The following HOOK2 variants were observed in gnomAD, a reference collection of about 807,000 sequenced individuals.
HOOK2 encodes the protein protein Hook homolog 2.
In HOOK2, 108 loss-of-function variants were observed where a neutral mutation model predicts 111.9. The ratio of observed to expected loss-of-function variants is 0.96; its 90% confidence interval spans 0.83 to 1.13. The LOEUF (loss-of-function observed/expected upper bound fraction) is 1.13. Ranked by LOEUF, HOOK2 falls within the 50% of genes most tolerant of loss-of-function variation. The pLI is 0.00. For synonymous variants in HOOK2, 405 were observed against 394.3 expected, an observed-to-expected ratio of 1.03 and a Z score of -0.32; for missense variants, 978 against 951.3, an observed-to-expected ratio of 1.03 and a Z score of -0.37.
intron 7 of HOOK2, chr19:12,771,898 A>T: frequency 2.5e-6 from 1 of 394,960 alleles, no homozygotes; most frequent in Non-Finnish European, 4.5e-6. Context: ...AAAAAAAAAA[A>T]AGAAAAAGAA....
chr19:12,787,415 C>T (rs954045299), intron 3 of HOOK2, among the ~76,000 whole-genome samples: 2 of 151,868 alleles, frequency 1.3e-5, no homozygotes, highest in African/African-American at 4.8e-5. Flanking sequence ...CAGATAACTT[C>T]AGGTCAGGAG....
At chr19:12,789,680 G>A (rs1406696524) in intron 3 of HOOK2, among the ~76,000 whole-genome samples, 1 of 151,202 alleles carries the variant, frequency 6.6e-6, no homozygotes, top group Non-Finnish European at 1.5e-5. Context: ...CCGTCGGGCC[G>A]GGGGCGAAGT....
chr19:12,771,881 CAAAAAAA>C (rs60718260), intron 7 of HOOK2: 33 of 115,260 alleles, frequency 2.9e-4, no homozygotes, highest in Admixed American at 6.9e-4. Flanking sequence ...GACTCCATCT[CAAAAAAA>C]AAAAAAAAAA....
In HOOK2 at chr19:12,765,136, G is replaced by A. The variant is rs372949057; in HGVS notation, c.1641-55C>T. The A allele has an allele frequency of 1.0e-5, 16 of 1,572,884 alleles. No individual in the cohort carries two copies. The African/African-American group carries it at 1.8e-4, about 17-fold the overall frequency. On this transcript the variant is annotated intron_variant, in intron 18 of 22. Transcript: ENST00000397668. ...TGACCTCCGGGCTGGCTTCTCTTTT[G>A]TCCCAGTGGTAGCCACAGACCTCCC...
chr19:12,768,358 G>A (rs1407665247), intron 11 of HOOK2, among the ~76,000 whole-genome samples: 1 of 152,016 alleles, frequency 6.6e-6, no homozygotes, highest in Non-Finnish European at 1.5e-5. Flanking sequence ...GCCTCCCAAA[G>A]CACTGGGATT....
In HOOK2 at chr19:12,765,729, G is replaced by A. The variant is rs776603519; in HGVS notation, c.1606-5C>T. Reference sequence around the variant, plus strand: ...CTTCCTTTTCAGCAAAATGGACTGGGAGAGAGAAGAGGCAAGGTGAGTGGG... The same window carrying A: ...CTTCCTTTTCAGCAAAATGGACTGGAAGAGAGAAGAGGCAAGGTGAGTGGG... On this transcript the variant is annotated splice_region_variant and splice_polypyrimidine_tract_variant and intron_variant, in intron 17 of 22. Coordinates refer to ENST00000397668, the MANE Select transcript of HOOK2 (RefSeq NM_013312.3). 6.2e-7 allele frequency: 1 copy of A among 1,614,182 alleles called. No individual in the cohort carries two copies. The highest frequency in any genetic ancestry group is 8.5e-7 in the Non-Finnish European group (1 of 1,180,028).
chr19:12,763,420 C>A lies in HOOK2; in HGVS notation c.2022G>T (p.Leu674Phe). ...ISAWYNMGMA[L>F]QQRAGEERAP... is the part of the protein sequence containing the mutation. ...CCCGCTCCTCCCCAGCTCGCTGCTG[C>A]AAGGCCATGCCCTTCAGGAGGAGGT... Residue 674 changes from leucine (L) to phenylalanine (F), a missense_variant, in exon 23 of 23, where the codon TTG becomes TTT. Leu to Phe is a conservative substitution (Grantham distance 22). Transcript: ENST00000397668. 6.2e-7 allele frequency: 1 copy of A among 1,613,922 alleles called. No homozygotes were observed. Among genetic ancestry groups the A allele is most frequent in the Non-Finnish European group, 8.5e-7 (1 of 1,179,936 alleles).
At chr19:12,792,103 A>G (rs1306549669) in intron 3 of HOOK2, 1 of 1,597,432 alleles carries the variant, frequency 6.3e-7, no homozygotes, top group African/African-American at 1.3e-5. Context: ...CAGTACTTTT[A>G]CCCCCGCGGG....
At chr19:12,777,487 TAAA>T (rs1968550537), upstream of HOOK2, among the ~76,000 whole-genome samples, 1 of 152,042 alleles carries the variant, frequency 6.6e-6, no homozygotes. Context: ...TTTCAAGAAA[TAAA>T]TAAATGAATG....
Position 12,763,131 on chromosome 19 carries a change from G to GCCCTCCCT in HOOK2, c.*143_*150dup, listed in dbSNP as rs1213900103. ...AAGAACAGGCCTATATCTACCTCCC[G>GCCCTCCCT]CCCTCCCTCCCCACCAATCTGGGAG... On this transcript the variant is annotated 3_prime_UTR_variant, in exon 23 of 23. Transcript: ENST00000397668. The GCCCTCCCT allele has an allele frequency of 1.5e-5, 6 of 394,680 alleles. No homozygotes were observed. The highest frequency in any genetic ancestry group is 3.0e-5 in the Non-Finnish European group (6 of 199,680). The allele number at this position is 394,680 out of a possible 1,614,324, so 24.4% of individuals were successfully genotyped here.
chr19:12,787,430 A>C (rs1968668576), intron 3 of HOOK2, among the ~76,000 whole-genome samples: 1 of 152,136 alleles, frequency 6.6e-6, no homozygotes. Context: ...CAGGAGTTCG[A>C]GACCGGCTTG....
Position 12,771,080 on chromosome 19 carries a change from T to C in HOOK2, c.762-8A>G. The C allele has an allele frequency of 6.2e-7, 1 of 1,611,604 alleles. No individual in the cohort carries two copies. Among genetic ancestry groups the C allele is most frequent in the Non-Finnish European group, 8.5e-7 (1 of 1,178,282 alleles). On this transcript the variant is annotated splice_polypyrimidine_tract_variant and splice_region_variant and intron_variant, in intron 9 of 22. Coordinates refer to ENST00000397668, the MANE Select transcript of HOOK2 (RefSeq NM_013312.3). The stretch of plus-strand genomic sequence containing the variant: ...TCCCTGCCACTCTCCAGCCTGGGGG[T>C]GTTGGGGGAAGAGCACATGAGGGGG...
chr19:12,767,446 G>A lies in HOOK2; in HGVS notation c.1322C>T (p.Thr441Ile), dbSNP rs766581670. 2 of 1,614,002 alleles carry A rather than the reference G, an allele frequency of 1.2e-6. No individual in the cohort carries two copies. Among genetic ancestry groups the A allele is most frequent in the Non-Finnish European group, 1.7e-6 (2 of 1,179,900 alleles). ...LTQADPSLDP[T>I]STPVDNLAAE... The stretch of plus-strand genomic sequence containing the variant: ...GGCTAAGTTATCCACGGGTGTGGAG[G>A]TGGGATCCAGTGAGGGATCTGAAGA... Residue 441 changes from threonine (T) to isoleucine (I), a missense_variant, in exon 14 of 23, where the codon ACC becomes ATC. Coordinates refer to ENST00000397668, the MANE Select transcript of HOOK2 (RefSeq NM_013312.3).
chr19:12,776,927 G>A (rs1203334888), upstream of HOOK2, among the ~76,000 whole-genome samples: 4 of 151,936 alleles, frequency 2.6e-5, no homozygotes, highest in Non-Finnish European at 5.9e-5. Flanking sequence ...GGAGGCCTAG[G>A]CAGGCGGATC....
chr19:12,767,320 G>A (rs996364077), intron 14 of HOOK2, 75 bp downstream of exon 14: 23 of 1,263,476 alleles, frequency 1.8e-5, no homozygotes, highest in Non-Finnish European at 2.4e-5. Flanking sequence ...CAGAAGATGG[G>A]AGGGCGGGAG....
upstream of HOOK2, among the ~76,000 whole-genome samples, chr19:12,780,482 A>T (rs371030471): frequency 2.0e-5 from 3 of 150,142 alleles, no homozygotes; most frequent in African/African-American, 7.3e-5. Flanking sequence ...TCAGCCTCCC[A>T]AGTAGCTGGG....
rs1968321471 is a variant in HOOK2, at chr19:12,771,319, G to A, written c.601C>T (p.Leu201=). 6.2e-7 allele frequency: 1 copy of A among 1,603,808 alleles called. No individual in the cohort carries two copies. Among genetic ancestry groups the A allele is most frequent in the African/African-American group, 1.3e-5 (1 of 74,838 alleles). The change falls in exon 9 of 23, where the codon CTG becomes TTG. Residue 201 remains leucine, a splice_region_variant and synonymous_variant. Transcript: ENST00000397668. The stretch of plus-strand genomic sequence containing the variant: ...TGCTTCTCCTCTGACAGGAGCATCA[G>A]CTGCGGGCAGGGCAGAAAGATGAGC... ...QQRCLDLERQ[L]MLLSEEKQSL...
upstream of HOOK2, among the ~76,000 whole-genome samples, chr19:12,782,891 C>CCG (rs1555731799): frequency 4.6e-5 from 7 of 151,878 alleles, no homozygotes; most frequent in Admixed American, 4.6e-4. Context: ...TGAGACCCCC[C>CCG]CCCCAGTTGC....
Position 12,763,385 on chromosome 19 carries a change from T to C in HOOK2, c.2057A>G (p.His686Arg). ...QRAGEERAPA[H>R]AQSFLAQQRL... ...CTGCTGTGCCAGGAATGACTGGGCATGGGCAGGCGCCCGCTCCTCCCCAGC... is the reference window on the plus strand; with the variant it reads ...CTGCTGTGCCAGGAATGACTGGGCACGGGCAGGCGCCCGCTCCTCCCCAGC... Residue 686 changes from histidine (H) to arginine (R), a missense_variant, in exon 23 of 23, where the codon CAT (histidine) becomes CGT (arginine). This residue lies in a region of HOOK2 where 277 missense variants were observed against 265.8 expected (regional missense o/e 1.04). Transcript: ENST00000397668. 3 of 1,614,116 alleles carry C rather than the reference T, an allele frequency of 1.9e-6. No individual in the cohort carries two copies. Among genetic ancestry groups the C allele is most frequent in the Non-Finnish European group, 2.5e-6 (3 of 1,179,998 alleles).
Sources: allele counts gnomAD v4.1 joint callset (sites outside exome capture counted in the v4.1 genomes callset), GRCh38; gene constraint gnomAD v4.1.1; regional missense constraint gnomAD v4.1.1; transcripts MANE v1.5; gene names NCBI Gene and HGNC (gene_info 2026-07-23, HGNC 2026-07-21).